The following CREB5 variants were observed in gnomAD, a reference collection of about 807,000 sequenced individuals.
The protein encoded by CREB5 is cyclic AMP-responsive element-binding protein 5.
CREB5 carries 19 observed loss-of-function variants against 57.1 expected under a neutral mutation model. The observed-to-expected ratio is 0.33, with a 90% CI of 0.23 to 0.49. CREB5 has a LOEUF of 0.49. CREB5 is among the 20% of genes least tolerant of loss of function. The pLI is 0.99. For synonymous variants in CREB5, 238 were observed against 238.3 expected (o/e 1.00, Z 0.01); for missense variants, 579 against 671.6 (o/e 0.86, Z 1.52).
At chr7:28,519,937 T>C (rs1793136475) in intron 4 of CREB5, among the ~76,000 whole-genome samples, 1 of 152,312 alleles carries the variant, frequency 6.6e-6, no homozygotes, top group East Asian at 1.9e-4. Flanking sequence ...AGCTCACATA[T>C]GTGCATTAAA....
At chr7:28,631,090 G>A (rs1194749995) in intron 5 of CREB5, among the ~76,000 whole-genome samples, 1 of 152,182 alleles carries the variant, frequency 6.6e-6, no homozygotes, top group Non-Finnish European at 1.5e-5. Context: ...GGGACTCAGA[G>A]ACGTACGGAA....
chr7:28,311,438 T>TC (rs1785274543), intron 1 of CREB5, among the ~76,000 whole-genome samples: 1 of 152,176 alleles, frequency 6.6e-6, no homozygotes, highest in South Asian at 2.1e-4. Context: ...TGAAAACATA[T>TC]CCCCCACTGT....
chr7:28,325,521 G>A (rs1222658875), intron 1 of CREB5, among the ~76,000 whole-genome samples: 1 of 152,070 alleles, frequency 6.6e-6, no homozygotes, highest in Non-Finnish European at 1.5e-5. Context: ...TTGATGCTGG[G>A]AATAAAATCT....
chr7:28,559,856 G>T (rs763405805), intron 4 of CREB5, among the ~76,000 whole-genome samples: 2 of 152,214 alleles, frequency 1.3e-5, no homozygotes, highest in Non-Finnish European at 2.9e-5. Context: ...ATTGTACAGT[G>T]AACTGGAAAT....
At chr7:28,692,121 G>A (rs1049103531) in intron 5 of CREB5, among the ~76,000 whole-genome samples, 9 of 151,416 alleles carry the variant, frequency 5.9e-5, no homozygotes, top group African/African-American at 2.2e-4. Context: ...GGGAGGCAGA[G>A]GTTGCAGTGA....
chr7:28,793,428 C>T (rs982232530), intron 7 of CREB5, among the ~76,000 whole-genome samples: 1 of 152,194 alleles, frequency 6.6e-6, no homozygotes, highest in Non-Finnish European at 1.5e-5. Context: ...CGAATGTCTA[C>T]GACAGAGGCC....
chr7:28,614,314 T>C (rs1797517321), intron 5 of CREB5, among the ~76,000 whole-genome samples: 1 of 152,234 alleles, frequency 6.6e-6, no homozygotes, highest in African/African-American at 2.4e-5. Context: ...CCATTTGGGA[T>C]TTGATCTTTT....
chr7:28,668,337 G>T (rs558249456), intron 5 of CREB5, among the ~76,000 whole-genome samples: 1 of 152,242 alleles, frequency 6.6e-6, no homozygotes, highest in Admixed American at 6.5e-5. Context: ...AAAATGAAGG[G>T]TCATATATTC....
At chr7:28,324,765 C>T (rs1283563093) in intron 1 of CREB5, among the ~76,000 whole-genome samples, 1 of 152,206 alleles carries the variant, frequency 6.6e-6, no homozygotes, top group East Asian at 1.9e-4. Flanking sequence ...CAGGCATCAT[C>T]TTCACGTGGA....
intron 1 of CREB5, among the ~76,000 whole-genome samples, chr7:28,364,018 C>T (rs1786537511): frequency 1.3e-5 from 2 of 152,156 alleles, no homozygotes; most frequent in South Asian, 4.1e-4. Flanking sequence ...CCAAATTAGG[C>T]TTACAACTGA....
chr7:28,510,047 A>C (rs906048450), intron 4 of CREB5, among the ~76,000 whole-genome samples: 1 of 152,246 alleles, frequency 6.6e-6, no homozygotes, highest in East Asian at 1.9e-4. Flanking sequence ...CTCTGGCAGC[A>C]AAGACGGCTG....
At chr7:28,604,851 C>G (rs1583404820) in intron 5 of CREB5, among the ~76,000 whole-genome samples, 2 of 151,930 alleles carry the variant, frequency 1.3e-5, no homozygotes, top group East Asian at 3.9e-4. Context: ...TGTTTTTAAA[C>G]TAAGTTTTTC....
chr7:28,738,739 G>A (rs61127084), intron 7 of CREB5, among the ~76,000 whole-genome samples: 16,911 of 152,152 alleles, frequency 0.11, 1,205 homozygotes, highest in Non-Finnish European at 0.16. Context: ...AAAGAACTGC[G>A]TATGCTCCTT....
intron 1 of CREB5, among the ~76,000 whole-genome samples, chr7:28,328,341 T>C (rs1785648212): frequency 6.6e-6 from 1 of 152,204 alleles, no homozygotes; most frequent in South Asian, 2.1e-4. Flanking sequence ...TTGAGACAGA[T>C]TCCCACACAA....
chr7:28,389,523 C>T (rs1322700117), intron 1 of CREB5, among the ~76,000 whole-genome samples: 1 of 152,086 alleles, frequency 6.6e-6, no homozygotes, highest in African/African-American at 2.4e-5. Flanking sequence ...TAATCTTGTC[C>T]TCAGATGGTG....
At position 28,738,575 on chromosome 7, in the gene CREB5, C is replaced by G. The variant is rs1028476898; in HGVS notation, c.702+14243C>G. On this transcript the variant is annotated intron_variant, in intron 7 of 10. Coordinates refer to ENST00000357727, the MANE Select transcript of CREB5 (RefSeq NM_182898.4). ...CAGCAAAAAGCATGTTTATCTCACT[C>G]CGTCATTGCAGTGAACTTTATCTCC... Among the ~76,000 whole-genome samples, 8 of 152,320 alleles carry G rather than the reference C, an allele frequency of 5.3e-5. No homozygotes were observed. In the East Asian group the frequency reaches 1.5e-3, roughly 29 times the overall value.
At chr7:28,483,611 GAC>G (rs1791430371) in intron 1 of CREB5, among the ~76,000 whole-genome samples, 2 of 152,148 alleles carry the variant, frequency 1.3e-5, no homozygotes, top group African/African-American at 4.8e-5. Flanking sequence ...CCACAATTAT[GAC>G]AGTGTCTAAC....
intron 1 of CREB5, among the ~76,000 whole-genome samples, chr7:28,471,783 G>A (rs1011183475): frequency 8.4e-5 from 2 of 23,756 alleles, no homozygotes; most frequent in Non-Finnish European, 2.3e-4. Flanking sequence ...ATCTTACATT[G>A]AGTTTTTAAT....
intron 1 of CREB5, among the ~76,000 whole-genome samples, chr7:28,461,798 T>G (rs1396226285): frequency 6.6e-6 from 1 of 152,144 alleles, no homozygotes; most frequent in African/African-American, 2.4e-5. Flanking sequence ...TCAGAAGATA[T>G]GTAAATCCAT....
Sources: gnomAD v4.1 joint callset for allele counts (sites outside exome capture counted in the v4.1 genomes callset) on GRCh38, gnomAD v4.1.1 for gene constraint, MANE v1.5 for transcripts, NCBI Gene and HGNC (gene_info 2026-07-23, HGNC 2026-07-21) for gene names.